VSIG10: variants seen among roughly 807,000 people sequenced by gnomAD.
VSIG10 encodes the protein V-set and immunoglobulin domain containing 10, also known as V-set and immunoglobulin domain-containing protein 10.
Under a neutral mutation model 58.7 loss-of-function variants are expected in VSIG10, and 48 were observed. The observed-to-expected ratio is 0.82, with a 90% CI of 0.65 to 1.04. The LOEUF (loss-of-function observed/expected upper bound fraction) is 1.04, where lower values mean the gene tolerates loss of function less well. Among genes scored for constraint, VSIG10 ranks in the 50% least tolerant of loss-of-function variants. VSIG10 has a pLI of 0.00. For synonymous variants in VSIG10, 260 were observed against 267.1 expected (o/e 0.97, Z 0.26); for missense variants, 628 against 670.0 (o/e 0.94, Z 0.69).
In VSIG10 at chr12:118,103,636, G is replaced by T; in HGVS notation, c.36C>A (p.Val12=). 6.6e-7 allele frequency: 1 copy of T among 1,511,060 alleles called. No homozygotes were observed. Among genetic ancestry groups the T allele is most frequent in the Non-Finnish European group, 8.8e-7 (1 of 1,135,706 alleles). 93.6% of individuals were successfully genotyped at this position (1,511,060 alleles called of 1,614,324 possible). Residue 12 remains valine (V), a synonymous_variant, in exon 1 of 9, where the codon GTC becomes GTA. Transcript: ENST00000359236. ...AAGGSAPEPR[V]LVCLGALLAG... is the part of the protein sequence containing the mutation. ...CCAGGAGCGCCCCGAGGCAGACGAG[G>T]ACGCGGGGCTCGGGCGCACTGCCGC...
intron 2 of VSIG10, among the ~76,000 whole-genome samples, chr12:118,093,569 A>T (rs1293664206): frequency 3.9e-5 from 6 of 152,038 alleles, no homozygotes; most frequent in Non-Finnish European, 8.8e-5. Context: ...AAAGTGCAAT[A>T]GGAAAGGTGG....
Position 118,073,822 on chromosome 12 carries a change from CCT to C in VSIG10, c.1094_1095del (p.Gln365ArgfsTer18). On this transcript the variant is annotated frameshift_variant, in exon 5 of 9. Transcript: ENST00000359236. LOFTEE classifies it high-confidence loss of function. ...IQPSSRHLIT[Q>X]DGQNSTLTIH... ...ATAGTGAGGGTGGAGTTCTGGCCATCCTGGGTAATGAGATGGCGGCTGCTAGG... is the reference window on the plus strand; with the variant it reads ...ATAGTGAGGGTGGAGTTCTGGCCATCGGGTAATGAGATGGCGGCTGCTAGG... 1 of 1,613,956 alleles carries C rather than the reference CCT, an allele frequency of 6.2e-7. No individual in the cohort carries two copies. The highest frequency in any genetic ancestry group is 8.5e-7 in the Non-Finnish European group (1 of 1,179,892).
At chr12:118,084,588 A>G (rs746895830) in intron 2 of VSIG10, among the ~76,000 whole-genome samples, 11 of 152,158 alleles carry the variant, frequency 7.2e-5, no homozygotes, top group Non-Finnish European at 1.5e-4. Context: ...TGCTACAGAT[A>G]AGCTTGGCAG....
chr12:118,078,451 G>A (rs765608422), intron 4 of VSIG10, among the ~76,000 whole-genome samples: 6 of 151,976 alleles, frequency 3.9e-5, no homozygotes, highest in Non-Finnish European at 7.4e-5. Flanking sequence ...GAGCTACCAC[G>A]CCCAGCCACT....
intron 4 of VSIG10, among the ~76,000 whole-genome samples, chr12:118,077,335 A>G (rs1040905110): frequency 6.6e-6 from 1 of 151,192 alleles, no homozygotes; most frequent in Non-Finnish European, 1.5e-5. Context: ...TCTCACGGAG[A>G]CCTCCCTGCC....
Position 118,103,927 on chromosome 12 carries a change from G to T in VSIG10, c.-256C>A, listed in dbSNP as rs931409561. 2.5e-6 allele frequency: 1 copy of T among 392,850 alleles called. No individual in the cohort carries two copies. The highest frequency in any genetic ancestry group is 3.9e-5 in the East Asian group (1 of 25,924). 24.3% of individuals were successfully genotyped at this position (392,850 alleles called of 1,614,324 possible). ...AGGGAGGGCGCACCCCGCCCCCTGC[G>T]CCCGCCAGCCTACTCCTGCCGGCGG... is the stretch of plus-strand genomic sequence containing the variant. On this transcript the variant is annotated 5_prime_UTR_variant, in exon 1 of 9. Coordinates refer to ENST00000359236, the MANE Select transcript of VSIG10 (RefSeq NM_019086.6).
chr12:118,092,826 G>C (rs1166813510), intron 2 of VSIG10, among the ~76,000 whole-genome samples: 1 of 151,670 alleles, frequency 6.6e-6, no homozygotes, highest in Non-Finnish European at 1.5e-5. Flanking sequence ...TGTAGAAATG[G>C]GGTCTTGCTA....
chr12:118,102,663 C>T (rs893180545), intron 1 of VSIG10: 1 of 152,038 alleles, frequency 6.6e-6, no homozygotes, highest in Non-Finnish European at 1.5e-5. Context: ...TGCTAAGAAG[C>T]TCCAGCATAC....
chr12:118,084,537 C>A (rs923408190), intron 2 of VSIG10, among the ~76,000 whole-genome samples: 2 of 152,110 alleles, frequency 1.3e-5, no homozygotes, highest in Non-Finnish European at 2.9e-5. Flanking sequence ...ACGCAAAGAG[C>A]CCATCCCAGA....
At chr12:118,085,232 C>T (rs1007778448) in intron 2 of VSIG10, among the ~76,000 whole-genome samples, 3 of 152,136 alleles carry the variant, frequency 2.0e-5, no homozygotes, top group South Asian at 2.1e-4. Flanking sequence ...TCAGACAGGT[C>T]CATCAGCCAG....
In VSIG10 at chr12:118,079,494, T is replaced by C. The variant is rs1193508241; in HGVS notation, c.777A>G (p.Ile259Met). 6.2e-7 allele frequency: 1 copy of C among 1,613,930 alleles called. No individual in the cohort carries two copies. The highest frequency in any genetic ancestry group is 8.5e-7 in the Non-Finnish European group (1 of 1,179,916). Residue 259 changes from isoleucine (I) to methionine (M), a missense_variant, in exon 4 of 9, where the codon ATA (isoleucine) becomes ATG (methionine). Ile to Met is a conservative substitution (Grantham distance 10). Coordinates refer to ENST00000359236, the MANE Select transcript of VSIG10 (RefSeq NM_019086.6). ...CCACGATTACACCTCCTGGCTCTTC[T>C]ATCCACAGGAAGTCAGGGTCAGGGT... is the stretch of plus-strand genomic sequence containing the variant. Reference protein sequence around the residue: ...GGYPDPDFLWIEEPGGVIVGK... With the variant: ...GGYPDPDFLWMEEPGGVIVGK...
intron 1 of VSIG10, among the ~76,000 whole-genome samples, chr12:118,100,402 C>G (rs2033592454): frequency 6.6e-6 from 1 of 152,222 alleles, no homozygotes; most frequent in South Asian, 2.1e-4. Context: ...GAGGCTGAGG[C>G]AGGAGAATCC....
intron 2 of VSIG10, among the ~76,000 whole-genome samples, chr12:118,082,887 TG>T (rs2033003936): frequency 6.7e-6 from 1 of 149,152 alleles, no homozygotes; most frequent in African/African-American, 2.5e-5. Context: ...CCAAGGCAGG[TG>T]GACCACTTGA....
chr12:118,099,705 G>A (rs2033574224), intron 1 of VSIG10, among the ~76,000 whole-genome samples: 1 of 152,208 alleles, frequency 6.6e-6, no homozygotes, highest in Admixed American at 6.5e-5. Flanking sequence ...CTTAAAAAGG[G>A]TGAATTTTGT....
chr12:118,097,475 C>A (rs1232033173), intron 1 of VSIG10, among the ~76,000 whole-genome samples: 2 of 147,644 alleles, frequency 1.4e-5, no homozygotes, highest in Admixed American at 1.3e-4. Flanking sequence ...ATTAGCCAGG[C>A]GTGGTGGCGC....
intron 2 of VSIG10, among the ~76,000 whole-genome samples, chr12:118,085,576 A>T (rs1275582301): frequency 2.6e-5 from 4 of 152,154 alleles, no homozygotes; most frequent in Non-Finnish European, 5.9e-5. Context: ...AAAAACACAA[A>T]GTTGGCTGGG....
intron 2 of VSIG10, among the ~76,000 whole-genome samples, chr12:118,083,565 T>A (rs1433264928): frequency 6.6e-6 from 1 of 151,464 alleles, no homozygotes; most frequent in East Asian, 2.0e-4. Context: ...GGCAACAGAG[T>A]GAGACTTCAT....
intron 1 of VSIG10, among the ~76,000 whole-genome samples, chr12:118,101,056 C>CAATGTTT (rs2033611059): frequency 1.3e-5 from 2 of 152,202 alleles, no homozygotes; most frequent in Non-Finnish European, 2.9e-5. Flanking sequence ...GTTTTCTCCT[C>CAATGTTT]CAAGGCATAG....
intron 1 of VSIG10, chr12:118,102,331 C>T (rs891141077): frequency 6.6e-6 from 1 of 152,344 alleles, no homozygotes; most frequent in Non-Finnish European, 1.5e-5. Context: ...TAGGAACTGT[C>T]CTCCCCCATC....
Sources: gnomAD v4.1 joint callset for allele counts (sites outside exome capture counted in the v4.1 genomes callset) on GRCh38, gnomAD v4.1.1 for gene constraint, MANE v1.5 for transcripts, NCBI Gene and HGNC (gene_info 2026-07-23, HGNC 2026-07-21) for gene names.